CCNA2: variants seen among roughly 807,000 people sequenced by gnomAD.
CCNA2 encodes the protein cyclin-A2.
A neutral mutation model predicts 49.4 loss-of-function variants in CCNA2; 3 were observed. The ratio of observed to expected loss-of-function variants is 0.06; its 90% CI spans 0.03 to 0.16. The LOEUF is 0.16. Among genes scored for constraint, CCNA2 ranks in the 10% least tolerant of loss-of-function variants. The probability of loss-of-function intolerance (pLI) is 1.00; values close to 1 mark genes in which losing one functional copy is unlikely to be tolerated. For missense variants in CCNA2, 372 were observed against 519.7 expected, an observed-to-expected ratio of 0.72 and a Z score of 2.76; for synonymous variants, 206 against 197.2, an observed-to-expected ratio of 1.04 and a Z score of -0.37.
At chr4:121,819,016 AGC>A in intron 5 of CCNA2, 103 bp from the exon 6 acceptor site, 1 of 692,182 alleles carries the variant, frequency 1.4e-6, no homozygotes, top group Admixed American at 2.4e-5. Flanking sequence ...ACGGCTCTGT[AGC>A]AACTCTAGAA....
intron 2 of CCNA2, 39 bp from the exon 3 acceptor site, chr4:121,821,130 G>A (rs1433772590): frequency 1.9e-6 from 3 of 1,589,086 alleles, no homozygotes; most frequent in Non-Finnish European, 2.6e-6. Context: ...TTAATTGTTT[G>A]CCTATTTAGT....
chr4:121,817,505 A>G lies in CCNA2; in HGVS notation c.*133T>C. On this transcript the variant is annotated 3_prime_UTR_variant, in exon 8 of 8. Coordinates refer to ENST00000274026, the MANE Select transcript of CCNA2 (RefSeq NM_001237.5). ...AAATTAAAACCATTTAAAAAGTAAT[A>G]GATACCATAATTTGTACTTGGCCAC... 2 of 995,820 alleles carry G rather than the reference A, an allele frequency of 2.0e-6. No homozygotes were observed. The highest frequency in any genetic ancestry group is 2.9e-6 in the Non-Finnish European group (2 of 679,838). 61.7% of individuals were successfully genotyped at this position (995,820 alleles called of 1,614,324 possible).
rs1578511119 is a variant in CCNA2 at position 121,817,442 on chromosome 4, C to T, written c.*196G>A. 5.8e-6 allele frequency: 3 copies of T among 518,514 alleles called. No individual in the cohort carries two copies. The highest frequency in any genetic ancestry group is 4.1e-5 in the South Asian group (1 of 24,616). The allele number at this position is 518,514 out of a possible 1,614,324, so 32.1% of individuals were successfully genotyped here. A position where few individuals can be genotyped will look rare whatever the true frequency, so the allele number is the denominator to read the frequency against. On this transcript the variant is annotated 3_prime_UTR_variant, in exon 8 of 8. Coordinates refer to ENST00000274026, the MANE Select transcript of CCNA2 (RefSeq NM_001237.5). ...CTTTAACAAAACCACTTAAAATTAG[C>T]CAAATATCTAAGACAGATACATATA...
At position 121,820,523 on chromosome 4, in the gene CCNA2, C is replaced by T; in HGVS notation, c.794+19G>A. The T allele has an allele frequency of 1.3e-6, 2 of 1,580,436 alleles. No homozygotes were observed. Among genetic ancestry groups the T allele is most frequent in the Non-Finnish European group, 1.7e-6 (2 of 1,157,794 alleles). On this transcript the variant is annotated intron_variant, in intron 4 of 7. Transcript: ENST00000274026. This position sits in a 1 kb window ranked among gnomAD's most constrained non-coding sequence, Gnocchi z 4.1. ...ACAAAAGGTCGTGATCACTTTTAAA[C>T]AAACCAAGGTAGACTTACGAGGCTA...
chr4:121,817,827 CT>C, intron 7 of CCNA2, 141 bp from the exon 8 acceptor site: 2 of 1,258,954 alleles, frequency 1.6e-6, no homozygotes, highest in Non-Finnish European at 2.2e-6. Context: ...GAAACACTGT[CT>C]GGTCCCTGAA....
Position 121,821,045 on chromosome 4 carries a change from C to T in CCNA2, c.504G>A (p.Lys168=), listed in dbSNP as rs1299394676. The stretch of plus-strand genomic sequence containing the variant: ...CTGGTACTTCATTAACACTCACTGG[C>T]TTTTCATCTTCTAATATAATTGACA... The part of the protein sequence containing the change: ...MDMSIILEDE[K]PVSVNEVPDY... Residue 168 remains lysine, a synonymous_variant, in exon 3 of 8, where the codon AAG becomes AAA. Transcript: ENST00000274026. 1.2e-6 allele frequency: 2 copies of T among 1,613,210 alleles called. No individual in the cohort carries two copies.
In CCNA2 at chr4:121,820,774, A is replaced by G. The variant is rs1219290270; in HGVS notation, c.571-9T>C. On this transcript the variant is annotated splice_polypyrimidine_tract_variant and intron_variant, in intron 3 of 7. Coordinates refer to ENST00000274026, the MANE Select transcript of CCNA2 (RefSeq NM_001237.5). The surrounding 1 kb of genome is among the most constrained non-coding windows in gnomAD (Gnocchi z 4.1). ...TTAGGTTTACATTTAACCTATTGAG[A>G]AAATTATTTATAGTGTTAAAATTAT... is the stretch of plus-strand genomic sequence containing the variant. The G allele has an allele frequency of 1.9e-6, 3 of 1,558,514 alleles. No homozygotes were observed. In the Admixed American group the frequency reaches 5.3e-5, roughly 27 times the overall value.
At chr4:121,823,206 G>A (rs571696362) in intron 1 of CCNA2, among the ~76,000 whole-genome samples, 1 of 152,054 alleles carries the variant, frequency 6.6e-6, no homozygotes, top group Non-Finnish European at 1.5e-5. Context: ...AGAGCAGACC[G>A]GCAGCATACA....
In CCNA2 at chr4:121,820,317, C is replaced by T. The variant is rs1177242409; in HGVS notation, c.794+225G>A. Among the ~76,000 whole-genome samples the T allele has an allele frequency of 6.6e-6, 1 of 152,110 alleles. No individual in the cohort carries two copies. Among genetic ancestry groups the T allele is most frequent in the Non-Finnish European group, 1.5e-5 (1 of 68,020 alleles). ...AAGGAAAATGTTTTAAAATTTGTAA[C>T]CTAGTGTACTATATCATGTTCAAGG... On this transcript the variant is annotated intron_variant, in intron 4 of 7. Coordinates refer to ENST00000274026, the MANE Select transcript of CCNA2 (RefSeq NM_001237.5). The surrounding 1 kb of genome is among the most constrained non-coding windows in gnomAD (Gnocchi z 4.1).
chr4:121,818,133 A>G lies in CCNA2; in HGVS notation c.1161T>C (p.Leu387=). ...IRKTGYTLES[L]KPCLMDLHQT... ...GGTGAAGGTCCATGAGACAAGGCTT[A>G]AGACTTTCCAGGGTATATCCAGTCT... The change falls in exon 7 of 8, where the codon CTT becomes CTC. Residue 387 remains leucine, a synonymous_variant. Transcript: ENST00000274026. The G allele has an allele frequency of 6.2e-7, 1 of 1,613,750 alleles. No individual in the cohort carries two copies. Among genetic ancestry groups the G allele is most frequent in the Non-Finnish European group, 8.5e-7 (1 of 1,179,652 alleles).
chr4:121,816,834 A>G lies in CCNA2; in HGVS notation c.*804T>C, dbSNP rs769148655. The stretch of plus-strand genomic sequence containing the variant: ...AGTAAAAAGCCAGTGAAAAGAAGAA[A>G]AAAGAAGAGAGCTGCCAATTAAAGC... On this transcript the variant is annotated 3_prime_UTR_variant, in exon 8 of 8. Coordinates refer to ENST00000274026, the MANE Select transcript of CCNA2 (RefSeq NM_001237.5). The G allele has an allele frequency of 6.3e-7, 1 of 1,596,344 alleles. No homozygotes were observed. The highest frequency in any genetic ancestry group is 1.3e-5 in the African/African-American group (1 of 74,096).
At position 121,817,230 on chromosome 4, in the gene CCNA2, A is replaced by AAATG. The variant is rs1221475732; in HGVS notation, c.*404_*407dup. 3 of 226,094 alleles carry AAATG rather than the reference A, an allele frequency of 1.3e-5. No homozygotes were observed. The highest frequency in any genetic ancestry group is 4.6e-5 in the African/African-American group (2 of 43,242). 14.0% of individuals were successfully genotyped at this position (226,094 alleles called of 1,614,324 possible). A position where few individuals can be genotyped will look rare whatever the true frequency, so the allele number is the denominator to read the frequency against. ...AGCAAATTGATCCAGTTGCTTAGGA[A>AAATG]AATGAATGTCAGAATTTGAGGGTCT... On this transcript the variant is annotated 3_prime_UTR_variant, in exon 8 of 8. Coordinates refer to ENST00000274026, the MANE Select transcript of CCNA2 (RefSeq NM_001237.5).
Position 121,816,751 on chromosome 4 carries a change from C to A in CCNA2, c.*887G>T. 1 of 1,560,224 alleles carries A rather than the reference C, an allele frequency of 6.4e-7. No homozygotes were observed. Among genetic ancestry groups the A allele is most frequent in the Admixed American group, 2.1e-5 (1 of 46,548 alleles). On this transcript the variant is annotated 3_prime_UTR_variant, in exon 8 of 8. Coordinates refer to ENST00000274026, the MANE Select transcript of CCNA2 (RefSeq NM_001237.5). The stretch of plus-strand genomic sequence containing the variant: ...AAACTTAACATACTCTTAGTAAATT[C>A]TTACTTTGCTTTATTCACAGAACAC...
At chr4:121,819,709 G>C (rs1045046187) in intron 4 of CCNA2, 130 bp from the exon 5 acceptor site, 1 of 646,542 alleles carries the variant, frequency 1.5e-6, no homozygotes, top group African/African-American at 1.8e-5. Context: ...CCAGACACTT[G>C]ATCATCATTT....
chr4:121,816,575 C>G lies in CCNA2; in HGVS notation c.*1063G>C. 1.3e-6 allele frequency: 1 copy of G among 794,392 alleles called. No individual in the cohort carries two copies. The highest frequency in any genetic ancestry group is 1.9e-6 in the Non-Finnish European group (1 of 515,422). The allele number at this position is 794,392 out of a possible 1,614,324, so 49.2% of individuals were successfully genotyped here. On this transcript the variant is annotated 3_prime_UTR_variant, in exon 8 of 8. Coordinates refer to ENST00000274026, the MANE Select transcript of CCNA2 (RefSeq NM_001237.5). Reference sequence around the variant, plus strand: ...AAGACATCCCTTTTTCATTAGAGATCCATCTGTTCTGTGATTTTTTTACCT... The same window carrying G: ...AAGACATCCCTTTTTCATTAGAGATGCATCTGTTCTGTGATTTTTTTACCT...
chr4:121,818,286 T>C, intron 6 of CCNA2, 109 bp from the exon 7 acceptor site: 1 of 952,846 alleles, frequency 1.0e-6, no homozygotes, highest in East Asian at 2.6e-5. Flanking sequence ...AATCTTTAAC[T>C]TTTCCAACTA....
At position 121,820,623 on chromosome 4, in the gene CCNA2, T is replaced by C; in HGVS notation, c.713A>G (p.Tyr238Cys). 6.2e-7 allele frequency: 1 copy of C among 1,614,212 alleles called. No homozygotes were observed. Among genetic ancestry groups the C allele is most frequent in the Non-Finnish European group, 8.5e-7 (1 of 1,180,010 alleles). ...CATGGAAGACAGGAACCTATCAATG[T>C]AGTTCACAGCCAAATGCAGGGTCTC... is the stretch of plus-strand genomic sequence containing the variant. Reference protein sequence around the residue: ...QNETLHLAVNYIDRFLSSMSV... With the variant: ...QNETLHLAVNCIDRFLSSMSV... Residue 238 changes from tyrosine to cysteine, a missense_variant, in exon 4 of 8, where the codon TAC becomes TGC. Tyr to Cys is a radical substitution (Grantham distance 194). Transcript: ENST00000274026. This position sits in a 1 kb window ranked among gnomAD's most constrained non-coding sequence, Gnocchi z 4.1.
chr4:121,817,726 CACTG>C (rs765033461), intron 7 of CCNA2, 40 bp from the exon 8 acceptor site: 9 of 1,611,620 alleles, frequency 5.6e-6, no homozygotes, highest in Non-Finnish European at 6.8e-6. Flanking sequence ...AGTAAACACT[CACTG>C]GGTAAAGGAG....
At chr4:121,823,378 T>C (rs1043543213) in intron 1 of CCNA2, 38 bp downstream of exon 1, 6 of 1,574,022 alleles carry the variant, frequency 3.8e-6, no homozygotes, top group Non-Finnish European at 5.2e-6. Context: ...CAAACCCTGC[T>C]CGACCCACCC....
Sources: allele counts gnomAD v4.1 joint callset (sites outside exome capture counted in the v4.1 genomes callset), GRCh38; gene constraint gnomAD v4.1.1; non-coding constraint Gnocchi (gnomAD v3.1); transcripts MANE v1.5; gene names NCBI Gene and HGNC (gene_info 2026-07-23, HGNC 2026-07-21).